Variants in CSMD1 observed in about 807,000 individuals in gnomAD.
CSMD1 encodes the protein CUB and Sushi multiple domains 1.
CSMD1 carries 213 observed loss-of-function variants against 417.5 expected under a neutral mutation model. The ratio of observed to expected loss-of-function variants is 0.51; its 90% CI spans 0.46 to 0.57. CSMD1 has a LOEUF of 0.57. CSMD1 is among the 20% of genes least tolerant of loss of function. CSMD1 has a pLI of 0.00. For missense variants in CSMD1, 6,923 were observed against 4,529.7 expected, an observed-to-expected ratio of 1.53 and a Z score of -15.17; for synonymous variants, 2,862 against 1,736.8, an observed-to-expected ratio of 1.65 and a Z score of -16.11.
chr8:3,927,291 G>C (rs752071934), intron 5 of CSMD1, among the ~76,000 whole-genome samples: 1 of 151,840 alleles, frequency 6.6e-6, no homozygotes, highest in East Asian at 1.9e-4. Flanking sequence ...TTATTAAGGT[G>C]CCAGACAGCA....
intron 2 of CSMD1, among the ~76,000 whole-genome samples, chr8:4,476,223 T>A (rs963798820): frequency 2.6e-5 from 4 of 152,112 alleles, no homozygotes; most frequent in Non-Finnish European, 5.9e-5. Context: ...AATAAAACTT[T>A]TTTAAAAAAA....
At chr8:4,793,484 C>A (rs1442421144) in intron 1 of CSMD1, among the ~76,000 whole-genome samples, 1 of 151,980 alleles carries the variant, frequency 6.6e-6, no homozygotes, top group African/African-American at 2.4e-5. Flanking sequence ...CCACCATCTC[C>A]CACGCCATCT....
intron 7 of CSMD1, among the ~76,000 whole-genome samples, chr8:3,704,488 T>C (rs1476963494): frequency 6.6e-6 from 1 of 152,180 alleles, no homozygotes; most frequent in Non-Finnish European, 1.5e-5. Flanking sequence ...TAAGGGGTAG[T>C]TATGCAGACA....
At chr8:3,629,816 T>C (rs1246120180) in intron 7 of CSMD1, among the ~76,000 whole-genome samples, 1 of 152,198 alleles carries the variant, frequency 6.6e-6, no homozygotes, top group Non-Finnish European at 1.5e-5. Flanking sequence ...AAGACATAAC[T>C]TCGGTCCGTC....
chr8:4,416,073 T>G (rs1376074164), intron 3 of CSMD1, among the ~76,000 whole-genome samples: 2 of 152,172 alleles, frequency 1.3e-5, no homozygotes, highest in African/African-American at 4.8e-5. Flanking sequence ...AAGACATGAA[T>G]AAAGTCTTTG....
intron 5 of CSMD1, among the ~76,000 whole-genome samples, chr8:3,906,316 T>C (rs147657680): frequency 9.7e-4 from 147 of 152,224 alleles, no homozygotes; most frequent in African/African-American, 3.4e-3. Flanking sequence ...CCATGAAACA[T>C]CAATTTGGTG....
chr8:4,306,399 C>G (rs899882418), intron 3 of CSMD1, among the ~76,000 whole-genome samples: 2 of 63,880 alleles, frequency 3.1e-5, no homozygotes, highest in African/African-American at 1.3e-4. Context: ...AAAAAACCTA[C>G]AGAACAAAAA....
At chr8:4,974,769 G>C (rs1219551954) in intron 1 of CSMD1, among the ~76,000 whole-genome samples, 1 of 152,060 alleles carries the variant, frequency 6.6e-6, no homozygotes, top group Non-Finnish European at 1.5e-5. Flanking sequence ...GATTTTTTGA[G>C]CCTCAAATCT....
At chr8:4,165,326 G>C (rs1044032010) in intron 3 of CSMD1, among the ~76,000 whole-genome samples, 1 of 152,226 alleles carries the variant, frequency 6.6e-6, no homozygotes, top group Non-Finnish European at 1.5e-5. Context: ...AGCTGTAGAA[G>C]CGCAAACACG....
intron 2 of CSMD1, among the ~76,000 whole-genome samples, chr8:4,617,653 GAA>G (rs945159324): frequency 2.4e-4 from 36 of 152,296 alleles, no homozygotes; most frequent in African/African-American, 7.9e-4. Context: ...CCATGTGGCT[GAA>G]GTCTCATTGT....
At chr8:3,286,566 T>G (rs1308993960) in intron 25 of CSMD1, among the ~76,000 whole-genome samples, 1 of 152,190 alleles carries the variant, frequency 6.6e-6, no homozygotes, top group Non-Finnish European at 1.5e-5. Flanking sequence ...TTTGCATTTC[T>G]CTGATGGCCG....
At chr8:4,248,184 A>C (rs1248413903) in intron 3 of CSMD1, among the ~76,000 whole-genome samples, 5 of 152,178 alleles carry the variant, frequency 3.3e-5, no homozygotes, top group African/African-American at 1.2e-4. Context: ...GAAGCCCTGG[A>C]AATTTCATGA....
intron 1 of CSMD1, among the ~76,000 whole-genome samples, chr8:4,897,925 TA>T (rs1193341438): frequency 6.6e-6 from 1 of 152,140 alleles, no homozygotes; most frequent in Non-Finnish European, 1.5e-5. Context: ...GTGGGGACAT[TA>T]GATTCTAAAC....
intron 23 of CSMD1, among the ~76,000 whole-genome samples, chr8:3,337,964 C>A (rs1285416369): frequency 1.3e-5 from 2 of 152,184 alleles, no homozygotes; most frequent in Non-Finnish European, 2.9e-5. Flanking sequence ...TAATGAGCCT[C>A]TTCACCACGT....
At chr8:4,134,622 C>A (rs979940513) in intron 3 of CSMD1, among the ~76,000 whole-genome samples, 1 of 152,160 alleles carries the variant, frequency 6.6e-6, no homozygotes, top group African/African-American at 2.4e-5. Context: ...CACGTGCTAC[C>A]TGATTCTCTG....
At chr8:2,941,314 G>C (rs1801857418) in intron 69 of CSMD1, among the ~76,000 whole-genome samples, 1 of 152,106 alleles carries the variant, frequency 6.6e-6, no homozygotes, top group Non-Finnish European at 1.5e-5. Context: ...TATTTAAAGA[G>C]GCTATTTCAT....
At chr8:3,808,880 G>C (rs1328797125) in intron 5 of CSMD1, among the ~76,000 whole-genome samples, 4 of 152,200 alleles carry the variant, frequency 2.6e-5, no homozygotes, top group Non-Finnish European at 4.4e-5. Context: ...GAATTCTGAA[G>C]TCATATCAGG....
At chr8:2,958,193 G>A (rs1249321342) in intron 62 of CSMD1, among the ~76,000 whole-genome samples, 1 of 151,968 alleles carries the variant, frequency 6.6e-6, no homozygotes, top group Non-Finnish European at 1.5e-5. Flanking sequence ...CATTCCAAGG[G>A]GATTGGTCAA....
intron 42 of CSMD1, among the ~76,000 whole-genome samples, chr8:3,115,438 G>A (rs1220276004): frequency 1.3e-5 from 2 of 152,128 alleles, no homozygotes; most frequent in Non-Finnish European, 2.9e-5. Context: ...CTGACCTCAG[G>A]TGATCCACCC....
Sources: gnomAD v4.1 joint callset for allele counts (sites outside exome capture counted in the v4.1 genomes callset) on GRCh38, gnomAD v4.1.1 for gene constraint, MANE v1.5 for transcripts, NCBI Gene and HGNC (gene_info 2026-07-23, HGNC 2026-07-21) for gene names.